The following CORO6 variants were observed in gnomAD, a reference collection of about 807,000 sequenced individuals.
CORO6 encodes the protein coronin 6, also known as coronin-6.
Under a neutral mutation model 49.0 loss-of-function variants are expected in CORO6, and 43 were observed. The observed-to-expected ratio is 0.88, with a 90% CI of 0.69 to 1.13. The LOEUF is 1.13. CORO6 is among the 50% of genes most tolerant of loss of function. The probability of loss-of-function intolerance (pLI) is 0.00; values close to 1 mark genes in which losing one functional copy is unlikely to be tolerated. For missense variants in CORO6, 650 were observed against 647.0 expected (o/e 1.00, Z -0.05); for synonymous variants, 233 against 256.5 (o/e 0.91, Z 0.88).
chr17:29,618,660 G>T (rs892214810), intron 5 of CORO6, 130 bp downstream of exon 5: 15 of 1,433,056 alleles, frequency 1.0e-5, no homozygotes, highest in Middle Eastern at 2.5e-4. Context: ...GGGGAAGGGG[G>T]CTAGTCTCTG....
rs765931087 is a variant in CORO6, at chr17:29,617,244, G to A, written c.754-202C>T. ...CTCCTCCTCCCCTGCACATATACCC[G>A]CTGCGCGCCGCATGCAGTCACAGCA... On this transcript the variant is annotated intron_variant, in intron 6 of 10. Transcript: ENST00000388767. The A allele has an allele frequency of 2.0e-5, 30 of 1,535,444 alleles. No individual in the cohort carries two copies. The Middle Eastern group carries it at 5.0e-4, about 26-fold the overall frequency.
chr17:29,620,068 C>A (rs1307724313), intron 2 of CORO6, among the ~76,000 whole-genome samples: 1 of 152,218 alleles, frequency 6.6e-6, no homozygotes, highest in African/African-American at 2.4e-5. Flanking sequence ...CCAAAGACAC[C>A]TACTTGGAGG....
intron 5 of CORO6, chr17:29,618,248 A>C (rs961730839): frequency 7.6e-7 from 1 of 1,308,658 alleles, no homozygotes; most frequent in Non-Finnish European, 9.7e-7. Flanking sequence ...GCAGACATGC[A>C]CGCGGCCCAC....
At chr17:29,617,703 C>A in intron 5 of CORO6, 84 bp from the exon 6 acceptor site, 2 of 1,407,392 alleles carry the variant, frequency 1.4e-6, no homozygotes, top group Non-Finnish European at 1.9e-6. Context: ...AGCTTGCTGA[C>A]TTGGGTGTCC....
At chr17:29,618,015 G>T in intron 5 of CORO6, 2 of 1,449,722 alleles carry the variant, frequency 1.4e-6, no homozygotes, top group Non-Finnish European at 1.8e-6. Context: ...CAGAGAAGGA[G>T]CGAGCTAGCG....
In CORO6 at chr17:29,619,073, G is replaced by A. The variant is rs370298559; in HGVS notation, c.438C>T (p.Val146=). The A allele has an allele frequency of 6.2e-7, 1 of 1,613,448 alleles. No individual in the cohort carries two copies. The highest frequency in any genetic ancestry group is 8.5e-7 in the Non-Finnish European group (1 of 1,179,864). ...TAGCCCCCAGACCTGCACTGAGCAG[G>A]ACATTCCTGGCAGTAGGGTGCCAGG... ...ILSWHPTARN[V]LLSAGGDNVI... The change falls in exon 4 of 11, where the codon GTC becomes GTT. Residue 146 remains valine (V), a synonymous_variant. Transcript: ENST00000388767.
chr17:29,618,452 G>A, intron 5 of CORO6: 1 of 1,278,022 alleles, frequency 7.8e-7, no homozygotes, highest in Non-Finnish European at 9.9e-7. Context: ...CCGGCTGAGA[G>A]GAGAGGGGTC....
In CORO6 at chr17:29,615,548, G is replaced by A; in HGVS notation, c.*184C>T. 2 of 633,894 alleles carry A rather than the reference G, an allele frequency of 3.2e-6. No individual in the cohort carries two copies. The highest frequency in any genetic ancestry group is 5.1e-6 in the Non-Finnish European group (2 of 394,384). The allele number at this position is 633,894 out of a possible 1,614,324, so 39.3% of individuals were successfully genotyped here. On this transcript the variant is annotated 3_prime_UTR_variant, in exon 11 of 11. Coordinates refer to ENST00000388767, the MANE Select transcript of CORO6 (RefSeq NM_032854.4). ...AGACGAGGCTCGCAGTCCAGCCTCC[G>A]CTGGAGCGACGTGGGTCTCCCCTAA...
Position 29,616,905 on chromosome 17 carries a change from A to G in CORO6, c.858+33T>C, listed in dbSNP as rs1353773129. On this transcript the variant is annotated intron_variant, in intron 7 of 10. Coordinates refer to ENST00000388767, the MANE Select transcript of CORO6 (RefSeq NM_032854.4). This position sits in a 1 kb window ranked among gnomAD's most constrained non-coding sequence, Gnocchi z 5.6. ...GACAAGGCCCTCCACATCTCCATCC[A>G]GTGCCCTGTTCTCCCTGCCCGGCCG... 1.2e-6 allele frequency: 2 copies of G among 1,613,618 alleles called. No homozygotes were observed. The highest frequency in any genetic ancestry group is 1.7e-6 in the Non-Finnish European group (2 of 1,179,970).
chr17:29,618,476 T>A, intron 5 of CORO6: 2 of 1,288,292 alleles, frequency 1.6e-6, no homozygotes, highest in Non-Finnish European at 2.0e-6. Flanking sequence ...GAGCTCAGGT[T>A]TCATGCAGGT....
rs772198313 is a variant in CORO6 at position 29,615,724 on chromosome 17, G to T, written c.*8C>A. ...CCCCGCCCCGCTCCGCCTGCCTGGC[G>T]CGCGGGGCTAGTCCGTGCCGTCCAC... On this transcript the variant is annotated 3_prime_UTR_variant, in exon 11 of 11. Transcript: ENST00000388767. 6 of 1,496,100 alleles carry T rather than the reference G, an allele frequency of 4.0e-6. No individual in the cohort carries two copies. Among genetic ancestry groups the T allele is most frequent in the Non-Finnish European group, 4.4e-6 (5 of 1,125,622 alleles). The allele number at this position is 1,496,100 out of a possible 1,614,324, so 92.7% of individuals were successfully genotyped here.
At position 29,616,114 on chromosome 17, in the gene CORO6, G is replaced by C. The variant is rs1040955133; in HGVS notation, c.1124C>G (p.Ala375Gly). The change falls in exon 10 of 11, where the codon GCG becomes GGG. Residue 375 changes from alanine (A) to glycine (G), a missense_variant. Coordinates refer to ENST00000388767, the MANE Select transcript of CORO6 (RefSeq NM_032854.4). The surrounding 1 kb of genome is among the most constrained non-coding windows in gnomAD (Gnocchi z 5.6). The part of the protein sequence containing the change: ...DTPGPEPALE[A>G]DEWLSGQDAE... ...GTCCTGGCCGGATAGCCATTCGTCCGCTTCTAGGGCCGGCTCCGGGCCTGG... is the reference window on the plus strand; with the variant it reads ...GTCCTGGCCGGATAGCCATTCGTCCCCTTCTAGGGCCGGCTCCGGGCCTGG... The C allele has an allele frequency of 6.2e-7, 1 of 1,613,292 alleles. No individual in the cohort carries two copies. The highest frequency in any genetic ancestry group is 8.5e-7 in the Non-Finnish European group (1 of 1,180,004).
In CORO6 at chr17:29,616,851, C is replaced by A. The variant is rs779957773; in HGVS notation, c.859-4G>T. 3 of 1,612,838 alleles carry A rather than the reference C, an allele frequency of 1.9e-6. No individual in the cohort carries two copies. Among genetic ancestry groups the A allele is most frequent in the Non-Finnish European group, 2.5e-6 (3 of 1,179,344 alleles). ...AGTACCGAATGCTGCTGTCGCCCTGCAAAATCAGTCGGTTCAGGGGCGCGC... is the reference window on the plus strand; with the variant it reads ...AGTACCGAATGCTGCTGTCGCCCTGAAAAATCAGTCGGTTCAGGGGCGCGC... On this transcript the variant is annotated splice_region_variant and splice_polypyrimidine_tract_variant and intron_variant, in intron 7 of 10. Transcript: ENST00000388767. This position sits in a 1 kb window ranked among gnomAD's most constrained non-coding sequence, Gnocchi z 5.6.
chr17:29,621,658 G>T lies in CORO6; in HGVS notation c.-63-174C>A, dbSNP rs1187043635. On this transcript the variant is annotated intron_variant, in intron 1 of 10. Transcript: ENST00000388767. This position sits in a 1 kb window ranked among gnomAD's most constrained non-coding sequence, Gnocchi z 4.2. ...AATGCTGTTTAATGTAAGTGGCTAG[G>T]ATTTGGGGCCTGAATTCTCCACAGA... is the stretch of plus-strand genomic sequence containing the variant. 7 of 643,354 alleles carry T rather than the reference G, an allele frequency of 1.1e-5. No individual in the cohort carries two copies. The highest frequency in any genetic ancestry group is 1.5e-5 in the Non-Finnish European group (6 of 388,500). 39.9% of individuals were successfully genotyped at this position (643,354 alleles called of 1,614,324 possible).
intron 6 of CORO6, chr17:29,617,243 C>A: frequency 2.6e-6 from 4 of 1,535,604 alleles, no homozygotes; most frequent in Non-Finnish European, 2.6e-6. Context: ...CACATATACC[C>A]GCTGCGCGCC....
In CORO6 at chr17:29,622,904, TAA is replaced by T. The variant is rs1047655965; in HGVS notation, c.-282_-281del. ...GCCCCAGCTGCCGCTGCCATCAACC[TAA>T]GAGGGCGGGGCTAGCATAGGGGCGG... On this transcript the variant is annotated 5_prime_UTR_variant, in exon 1 of 11. Coordinates refer to ENST00000388767, the MANE Select transcript of CORO6 (RefSeq NM_032854.4). 27 of 1,131,608 alleles carry T rather than the reference TAA, an allele frequency of 2.4e-5. No individual in the cohort carries two copies. Among genetic ancestry groups the T allele is most frequent in the African/African-American group, 8.3e-5 (2 of 24,186 alleles). The allele number at this position is 1,131,608 out of a possible 1,614,324, so 70.1% of individuals were successfully genotyped here. A position where few individuals can be genotyped will look rare whatever the true frequency, so the allele number is the denominator to read the frequency against.
At chr17:29,617,077 C>T (rs1235256734) in intron 6 of CORO6, 35 bp from the exon 7 acceptor site, 1 of 1,605,258 alleles carries the variant, frequency 6.2e-7, no homozygotes, top group Non-Finnish European at 8.5e-7. Flanking sequence ...CAGCCCTGCC[C>T]CACCCTCCCG....
rs533247552 is a variant in CORO6 at position 29,616,353 on chromosome 17, T to A, written c.1005-17A>T. The A allele has an allele frequency of 2.3e-5, 37 of 1,592,096 alleles. 1 individual carries two copies. In the South Asian group the frequency reaches 3.3e-4, roughly 14 times the overall value. On this transcript the variant is annotated splice_polypyrimidine_tract_variant and intron_variant, in intron 8 of 10. Coordinates refer to ENST00000388767, the MANE Select transcript of CORO6 (RefSeq NM_032854.4). This position sits in a 1 kb window ranked among gnomAD's most constrained non-coding sequence, Gnocchi z 5.6. The stretch of plus-strand genomic sequence containing the variant: ...TTGTAGAACCTATAAGGGAGCAGGG[T>A]TCAGCACCCTCGCAGACTTCCACGT...
intron 5 of CORO6, 183 bp from the exon 6 acceptor site, chr17:29,617,802 G>A (rs1340598053): frequency 1.6e-5 from 12 of 748,214 alleles, no homozygotes; most frequent in African/African-American, 3.6e-5. Context: ...GACCTGGAGA[G>A]CATCCGGGCC....
Sources: gnomAD v4.1 joint callset for allele counts (sites outside exome capture counted in the v4.1 genomes callset) on GRCh38, gnomAD v4.1.1 for gene constraint, Gnocchi (gnomAD v3.1) non-coding constraint, MANE v1.5 for transcripts, NCBI Gene and HGNC (gene_info 2026-07-23, HGNC 2026-07-21) for gene names.